Variants in RARB observed in about 807,000 individuals in gnomAD.
The protein encoded by RARB is HBV-activated protein.
A neutral mutation model predicts 51.9 loss-of-function variants in RARB; 17 were observed. The ratio of observed to expected loss-of-function variants is 0.33; its 90% CI spans 0.22 to 0.49. RARB has a LOEUF of 0.49. RARB is among the 20% of genes least tolerant of loss of function. RARB has a pLI of 0.99. For missense variants in RARB, 369 were observed against 550.8 expected (o/e 0.67, Z 3.30); for synonymous variants, 215 against 195.4 (o/e 1.10, Z -0.84).
chr3:25,292,495 C>T (rs1451071144), intron 5 of RARB, among the ~76,000 whole-genome samples: 1 of 152,066 alleles, frequency 6.6e-6, no homozygotes, highest in Admixed American at 6.5e-5. Context: ...TGGGGAAAAG[C>T]CTATAGAAAC....
At chr3:25,421,590 T>A (rs1470850967) in intron 5 of RARB, among the ~76,000 whole-genome samples, 1 of 151,890 alleles carries the variant, frequency 6.6e-6, no homozygotes, top group Admixed American at 6.6e-5. Flanking sequence ...TTTTTTTGTA[T>A]TTTTAGTAGA....
chr3:25,184,843 G>A (rs1700939866), intron 5 of RARB, among the ~76,000 whole-genome samples: 1 of 151,836 alleles, frequency 6.6e-6, no homozygotes, highest in Admixed American at 6.6e-5. Flanking sequence ...GCTGAGCTGT[G>A]ATGACATCTT....
chr3:25,089,608 T>C (rs1396179105), intron 3 of RARB, among the ~76,000 whole-genome samples: 2 of 152,192 alleles, frequency 1.3e-5, no homozygotes, highest in African/African-American at 4.8e-5. Flanking sequence ...TGAAGCAAAA[T>C]GTTGTAATTC....
intron 2 of RARB, among the ~76,000 whole-genome samples, chr3:24,915,003 T>G (rs961268413): frequency 2.0e-5 from 3 of 152,218 alleles, no homozygotes; most frequent in African/African-American, 7.2e-5. Flanking sequence ...TTATAGAGAT[T>G]GATATTGTTT....
At chr3:25,035,164 C>T (rs193107869) in intron 2 of RARB, among the ~76,000 whole-genome samples, 5 of 152,278 alleles carry the variant, frequency 3.3e-5, no homozygotes, top group East Asian at 1.9e-4. Context: ...CTCTATCACT[C>T]GGGCTGCAGT....
chr3:25,306,176 G>A (rs1704147696), intron 5 of RARB, among the ~76,000 whole-genome samples: 1 of 152,086 alleles, frequency 6.6e-6, no homozygotes, highest in South Asian at 2.1e-4. Context: ...AAGTGAGAGG[G>A]CATTGAGTTT....
At chr3:25,452,952 G>A (rs1709259012) in intron 1 of RARB, among the ~76,000 whole-genome samples, 1 of 152,158 alleles carries the variant, frequency 6.6e-6, no homozygotes, top group Admixed American at 6.5e-5. Flanking sequence ...CTGTGAGAGT[G>A]AACGAAGACT....
At chr3:25,124,116 T>G (rs1699826453) in intron 3 of RARB, among the ~76,000 whole-genome samples, 1 of 152,210 alleles carries the variant, frequency 6.6e-6, no homozygotes, top group African/African-American at 2.4e-5. Context: ...GGCTCACGCC[T>G]GTAATCCTAG....
intron 3 of RARB, among the ~76,000 whole-genome samples, chr3:25,107,263 A>C (rs4858705): frequency 0.55 from 83,326 of 151,974 alleles, 23,607 homozygotes; most frequent in East Asian, 0.83. Context: ...GTTATCTTAT[A>C]TGCAGATACA....
intron 2 of RARB, among the ~76,000 whole-genome samples, chr3:25,485,917 T>C (rs1696445910): frequency 6.6e-6 from 1 of 152,170 alleles, no homozygotes; most frequent in Admixed American, 6.5e-5. Flanking sequence ...AAGCTCACAC[T>C]GGTTGGGGTT....
chr3:25,057,971 T>C (rs1290386237), intron 2 of RARB, among the ~76,000 whole-genome samples: 1 of 151,994 alleles, frequency 6.6e-6, no homozygotes, highest in Non-Finnish European at 1.5e-5. Context: ...TTATTTTTCC[T>C]GAATTAAACT....
intron 5 of RARB, among the ~76,000 whole-genome samples, chr3:25,345,664 C>CAA (rs71061207): frequency 0.015 from 1,470 of 96,074 alleles, 21 homozygotes; most frequent in African/African-American, 0.038. Flanking sequence ...GACTCCGTCT[C>CAA]AAAAAAAAAA....
chr3:25,056,103 C>T (rs1698436348), intron 2 of RARB, among the ~76,000 whole-genome samples: 1 of 152,068 alleles, frequency 6.6e-6, no homozygotes, highest in African/African-American at 2.4e-5. Flanking sequence ...GCCCAATGTG[C>T]AGGGAGAGGT....
At chr3:25,252,844 G>C (rs976492959) in intron 5 of RARB, among the ~76,000 whole-genome samples, 1 of 152,138 alleles carries the variant, frequency 6.6e-6, no homozygotes, top group Non-Finnish European at 1.5e-5. Context: ...AACACACAAA[G>C]TGTGAGTCAT....
At chr3:24,859,223 C>G (rs959152899) in intron 2 of RARB, among the ~76,000 whole-genome samples, 1 of 151,850 alleles carries the variant, frequency 6.6e-6, no homozygotes, top group African/African-American at 2.4e-5. Flanking sequence ...GAGCTGATGT[C>G]TTTCTCTATA....
chr3:25,479,893 C>A (rs1263918200), intron 2 of RARB, among the ~76,000 whole-genome samples: 1 of 152,168 alleles, frequency 6.6e-6, no homozygotes, highest in Non-Finnish European at 1.5e-5. Context: ...ACATTACCAG[C>A]AGTGCAATAA....
chr3:25,307,482 A>G (rs1299805154), intron 5 of RARB, among the ~76,000 whole-genome samples: 1 of 152,166 alleles, frequency 6.6e-6, no homozygotes, highest in Non-Finnish European at 1.5e-5. Context: ...TCCCTTAGCC[A>G]ACACACAAAT....
intron 2 of RARB, among the ~76,000 whole-genome samples, chr3:24,891,037 T>C (rs1703367766): frequency 6.6e-6 from 1 of 152,180 alleles, no homozygotes; most frequent in Admixed American, 6.5e-5. Context: ...AAGGATAACA[T>C]ACATGTGGAA....
At chr3:25,282,319 C>T (rs774525989) in intron 5 of RARB, among the ~76,000 whole-genome samples, 9 of 152,204 alleles carry the variant, frequency 5.9e-5, no homozygotes, top group Non-Finnish European at 1.2e-4. Flanking sequence ...CTGCAGTATT[C>T]TTCCCTCAGA....
Sources: gnomAD v4.1 joint callset for allele counts (sites outside exome capture counted in the v4.1 genomes callset) on GRCh38, gnomAD v4.1.1 for gene constraint, MANE v1.5 for transcripts, NCBI Gene and HGNC (gene_info 2026-07-23, HGNC 2026-07-21) for gene names.